Variants in GRXCR2 observed in about 807,000 individuals in gnomAD.
The protein encoded by GRXCR2 is glutaredoxin domain-containing cysteine-rich protein 2.
In GRXCR2, 23 loss-of-function variants were observed where a neutral mutation model predicts 24.8. That is an observed-to-expected ratio of 0.93 (90% CI 0.67 to 1.32). The LOEUF is 1.32. Among genes scored for constraint, GRXCR2 ranks in the 40% most tolerant of loss-of-function variants. The probability of loss-of-function intolerance (pLI) is 0.00; values close to 1 mark genes in which losing one functional copy is unlikely to be tolerated. For synonymous variants in GRXCR2, 130 were observed against 116.1 expected (o/e 1.12, Z -0.77); for missense variants, 315 against 303.4 (o/e 1.04, Z -0.28).
intron 2 of GRXCR2, among the ~76,000 whole-genome samples, chr5:145,899,440 C>G (rs1243032507): frequency 1.3e-5 from 2 of 152,020 alleles, no homozygotes; most frequent in Non-Finnish European, 2.9e-5. Flanking sequence ...AAAAAGAGCT[C>G]AAATAGCCAA....
At position 145,859,019 on chromosome 5, in the gene GRXCR2, T is replaced by G. The variant is rs1756285677; in HGVS notation, c.*714A>C. The G allele has an allele frequency of 6.6e-6, 1 of 152,202 alleles. No homozygotes were observed. Among genetic ancestry groups the G allele is most frequent in the South Asian group, 2.1e-4 (1 of 4,838 alleles). 9.4% of individuals were successfully genotyped at this position (152,202 alleles called of 1,614,324 possible). On this transcript the variant is annotated 3_prime_UTR_variant, in exon 3 of 3. Coordinates refer to ENST00000377976, the MANE Select transcript of GRXCR2 (RefSeq NM_001080516.2). ...ATACACACATATTTGAGCACCAAAT[T>G]TATCATAAATAACTTTGACTTGGCT...
intron 2 of GRXCR2, among the ~76,000 whole-genome samples, chr5:145,862,732 T>C (rs1756360993): frequency 1.3e-5 from 2 of 152,172 alleles, no homozygotes; most frequent in African/African-American, 2.4e-5. Flanking sequence ...AGGGTTATTA[T>C]GGTCAAGAGA....
intron 2 of GRXCR2, among the ~76,000 whole-genome samples, chr5:145,887,668 A>G (rs551610212): frequency 2.8e-4 from 42 of 152,266 alleles, no homozygotes; most frequent in Middle Eastern, 3.4e-3. Flanking sequence ...ATTTTATTTT[A>G]TTAGTGGGAG....
chr5:145,886,837 C>T (rs184812725), intron 2 of GRXCR2, among the ~76,000 whole-genome samples: 9 of 152,156 alleles, frequency 5.9e-5, no homozygotes, highest in Admixed American at 1.3e-4. Flanking sequence ...ACATGTAATC[C>T]AGTATAAGAT....
At chr5:145,865,553 C>G (rs1045020624) in intron 2 of GRXCR2, among the ~76,000 whole-genome samples, 1 of 152,200 alleles carries the variant, frequency 6.6e-6, no homozygotes, top group African/African-American at 2.4e-5. Flanking sequence ...TGGACACTGA[C>G]AGCCATATTA....
chr5:145,909,682 A>G (rs1223308731), intron 2 of GRXCR2, among the ~76,000 whole-genome samples: 1 of 152,228 alleles, frequency 6.6e-6, no homozygotes, highest in Non-Finnish European at 1.5e-5. Context: ...AGTGCCTGGC[A>G]CATAGTAGAT....
At chr5:145,905,045 C>T (rs1757071781) in intron 2 of GRXCR2, among the ~76,000 whole-genome samples, 2 of 152,212 alleles carry the variant, frequency 1.3e-5, no homozygotes, top group African/African-American at 4.8e-5. Flanking sequence ...AAACAAGTCA[C>T]ACATCCATGC....
chr5:145,909,291 G>C (rs188794208), intron 2 of GRXCR2, among the ~76,000 whole-genome samples: 1 of 150,834 alleles, frequency 6.6e-6, no homozygotes, highest in African/African-American at 2.4e-5. Flanking sequence ...GCACTTAGCT[G>C]GTAAATAATA....
chr5:145,878,722 A>T (rs1406412039), intron 2 of GRXCR2, among the ~76,000 whole-genome samples: 1 of 152,202 alleles, frequency 6.6e-6, no homozygotes, highest in East Asian at 1.9e-4. Context: ...CCTCGAGAAG[A>T]GCAACCTCAA....
At position 145,872,702 on chromosome 5, in the gene GRXCR2, T is replaced by G; in HGVS notation, c.267A>C (p.Arg89Ser). 1 of 1,614,046 alleles carries G rather than the reference T, an allele frequency of 6.2e-7. No individual in the cohort carries two copies. The highest frequency in any genetic ancestry group is 1.1e-5 in the South Asian group (1 of 91,066). Residue 89 changes from arginine to serine, a missense_variant, in exon 1 of 3, where the codon AGA becomes AGC. Transcript: ENST00000377976. ...KLTAQRISVF[R>S]EGNAYTLAGG... is the part of the protein sequence containing the mutation. ...CTGCCAAGGTGTAGGCATTACCCTC[T>G]CTAAACACACTGATCCTCTGAGCAG... is the stretch of plus-strand genomic sequence containing the variant.
intron 1 of GRXCR2, among the ~76,000 whole-genome samples, chr5:145,868,254 A>G (rs571529038): frequency 6.6e-6 from 1 of 152,274 alleles, no homozygotes; most frequent in South Asian, 2.1e-4. Context: ...ACACAACTCA[A>G]TACCTCAGCA....
At chr5:145,906,069 T>C (rs898799511) in intron 2 of GRXCR2, among the ~76,000 whole-genome samples, 1 of 152,134 alleles carries the variant, frequency 6.6e-6, no homozygotes, top group Non-Finnish European at 1.5e-5. Context: ...CATAACCATA[T>C]TTTACAGAAA....
chr5:145,929,198 C>CATAT lies in GRXCR2; in HGVS notation c.-70+6502_-70+6503insATAT, dbSNP rs1554107328. Among the ~76,000 whole-genome samples, 128 of 88,378 alleles carry CATAT rather than the reference C, an allele frequency of 1.4e-3. 14 individuals are homozygous for CATAT. Among genetic ancestry groups the CATAT allele is most frequent in the South Asian group, 0.014 (35 of 2,484 alleles). 58.0% of individuals were successfully genotyped at this position (88,378 alleles called of 152,430 possible). A position where few individuals can be genotyped will look rare whatever the true frequency, so the allele number is the denominator to read the frequency against. ...TTTTAATAGTTGTATAATATTCCCCCCTATATATATATATATATATATATA... is the reference window on the plus strand; with the variant it reads ...TTTTAATAGTTGTATAATATTCCCCCATATCTATATATATATATATATATATATA... On this transcript the variant is annotated intron_variant, in intron 2 of 3. Coordinates refer to the GRXCR2 transcript ENST00000639411.
intron 2 of GRXCR2, among the ~76,000 whole-genome samples, chr5:145,882,315 A>C (rs1362511873): frequency 6.6e-6 from 1 of 152,192 alleles, no homozygotes; most frequent in East Asian, 1.9e-4. Context: ...AACTCAAACA[A>C]ATGTACAAGA....
intron 2 of GRXCR2, among the ~76,000 whole-genome samples, chr5:145,860,773 TG>T (rs1262979630): frequency 5.3e-5 from 8 of 152,190 alleles, no homozygotes; most frequent in Non-Finnish European, 1.0e-4. Context: ...TCTCCCAATC[TG>T]TTTCTTTATT....
At chr5:145,922,984 A>C (rs879865794) in intron 2 of GRXCR2, among the ~76,000 whole-genome samples, 2 of 152,234 alleles carry the variant, frequency 1.3e-5, no homozygotes, top group African/African-American at 4.8e-5. Flanking sequence ...CAATGTATAA[A>C]ATAGACAGTT....
At chr5:145,923,408 C>T (rs1415473193) in intron 2 of GRXCR2, among the ~76,000 whole-genome samples, 3 of 152,108 alleles carry the variant, frequency 2.0e-5, no homozygotes, top group East Asian at 3.9e-4. Flanking sequence ...TATTTGTTGT[C>T]TCGAAATGAA....
Position 145,872,619 on chromosome 5 carries a change from T to C in GRXCR2, c.336+14A>G, listed in dbSNP as rs781673580. On this transcript the variant is annotated intron_variant, in intron 1 of 2. Transcript: ENST00000377976. ...CCCTACCCTTAAAGCCTATATGCCA[T>C]GCACAATACCAACCTTATGGTCATT... 13 of 1,572,150 alleles carry C rather than the reference T, an allele frequency of 8.3e-6. No homozygotes were observed. The African/African-American group carries it at 1.1e-4, about 13-fold the overall frequency.
Position 145,914,672 on chromosome 5 carries a change from T to C in GRXCR2, c.-70+21029A>G, listed in dbSNP as rs1191440644. The stretch of plus-strand genomic sequence containing the variant: ...GCCTGGGTGATCGAACAAGACTCCA[T>C]CTCAAAAAAAAAAAAAAAAAAAAAA... On this transcript the variant is annotated intron_variant, in intron 2 of 3. Coordinates refer to the GRXCR2 transcript ENST00000639411. 2.2e-4 allele frequency among the ~76,000 whole-genome samples: 14 copies of C among 64,420 alleles called. No individual in the cohort carries two copies. In the East Asian group the frequency reaches 2.8e-3, roughly 13 times the overall value. The allele number at this position is 64,420 out of a possible 152,430, so 42.3% of individuals were successfully genotyped here.
Sources: gnomAD v4.1 joint callset for allele counts (sites outside exome capture counted in the v4.1 genomes callset) on GRCh38, gnomAD v4.1.1 for gene constraint, MANE v1.5 for transcripts, NCBI Gene and HGNC (gene_info 2026-07-23, HGNC 2026-07-21) for gene names.